Variants in KDM1B observed in about 807,000 individuals in gnomAD.
KDM1B encodes the protein lysine demethylase 1B.
In KDM1B, 63 loss-of-function variants were observed where a neutral mutation model predicts 107.4. The ratio of observed to expected loss-of-function variants is 0.59; its 90% CI spans 0.48 to 0.72. The LOEUF (loss-of-function observed/expected upper bound fraction) is 0.72, where lower values mean the gene tolerates loss of function less well. Ranked by LOEUF, KDM1B falls within the 30% of genes least tolerant of loss-of-function variation. The pLI, the probability that KDM1B is intolerant of heterozygous loss-of-function variation, is 0.00. For missense variants in KDM1B, 749 were observed against 1,020.8 expected (o/e 0.73, Z 3.63); for synonymous variants, 363 against 363.9 (o/e 1.00, Z 0.03).
Position 18,200,052 on chromosome 6 carries a change from C to T in KDM1B, c.1222-387C>T, listed in dbSNP as rs1376176160. On this transcript the variant is annotated intron_variant, in intron 12 of 21. Transcript: ENST00000650836. This position sits in a 1 kb window ranked among gnomAD's most constrained non-coding sequence, Gnocchi z 4.3. ...TGCCACCACACCCGACTATGTATTT[C>T]TGGTAGAGACAGGGTTTCACCATGT... 6.6e-6 allele frequency among the ~76,000 whole-genome samples: 1 copy of T among 152,090 alleles called. No individual in the cohort carries two copies.
intron 12 of KDM1B, among the ~76,000 whole-genome samples, chr6:18,198,654 A>AC (rs1233237913): frequency 1.1e-4 from 16 of 143,624 alleles, no homozygotes; most frequent in Non-Finnish European, 2.2e-4. Flanking sequence ...AAAAAAAAAA[A>AC]AAACAAAACG....
At chr6:18,182,220 C>G (rs757418131) in intron 7 of KDM1B, among the ~76,000 whole-genome samples, 39 of 152,080 alleles carry the variant, frequency 2.6e-4, no homozygotes, top group Non-Finnish European at 4.9e-4. Flanking sequence ...TGGATAATAT[C>G]AAATCTCTTC....
In KDM1B at chr6:18,159,851, T is replaced by C. The variant is rs761627923; in HGVS notation, c.-13-32T>C. 4 of 1,126,388 alleles carry C rather than the reference T, an allele frequency of 3.6e-6. No individual in the cohort carries two copies. The African/African-American group carries it at 6.1e-5, about 17-fold the overall frequency. The allele number at this position is 1,126,388 out of a possible 1,614,324, so 69.8% of individuals were successfully genotyped here. A position where few individuals can be genotyped will look rare whatever the true frequency, so the allele number is the denominator to read the frequency against. On this transcript the variant is annotated intron_variant, in intron 2 of 21. Coordinates refer to ENST00000650836, the MANE Select transcript of KDM1B (RefSeq NM_001364614.2). The surrounding 1 kb of genome is among the most constrained non-coding windows in gnomAD (Gnocchi z 4.5). ...GACTGTTAAAAATATTTGCAGATGC[T>C]AATATTTAATGGTCTGATTTTTCTT...
In KDM1B at chr6:18,161,318, C is replaced by T. The variant is rs1784957310; in HGVS notation, c.88-9C>T. The T allele has an allele frequency of 6.2e-7, 1 of 1,613,214 alleles. No homozygotes were observed. The highest frequency in any genetic ancestry group is 8.5e-7 in the Non-Finnish European group (1 of 1,179,598). On this transcript the variant is annotated splice_polypyrimidine_tract_variant and intron_variant, in intron 3 of 21. Coordinates refer to ENST00000650836, the MANE Select transcript of KDM1B (RefSeq NM_001364614.2). ...AGTGAAATTTTAACATCAGCTGTGA[C>T]TCCCTTAGGCGAAGAAGAAAGCAAC...
In KDM1B at chr6:18,200,325, TGG is replaced by T; in HGVS notation, c.1222-113_1222-112del. The T allele has an allele frequency of 9.4e-7, 1 of 1,068,724 alleles. No homozygotes were observed. The highest frequency in any genetic ancestry group is 1.3e-6 in the Non-Finnish European group (1 of 751,796). 66.2% of individuals were successfully genotyped at this position (1,068,724 alleles called of 1,614,324 possible). On this transcript the variant is annotated intron_variant, in intron 12 of 21. Coordinates refer to ENST00000650836, the MANE Select transcript of KDM1B (RefSeq NM_001364614.2). The surrounding 1 kb of genome is among the most constrained non-coding windows in gnomAD (Gnocchi z 4.3). ...TTAAAGTTGTTTTTTTAGAAATATT[TGG>T]AATTAACCAAATATAGAGGCTATTT...
rs143198431 is a variant in KDM1B at position 18,193,792 on chromosome 6, G to A, written c.969+2411G>A. 5.3e-4 allele frequency among the ~76,000 whole-genome samples: 81 copies of A among 152,136 alleles called. No homozygotes were observed. In the Middle Eastern group the frequency reaches 0.017, roughly 32 times the overall value. ...GCCTGTTCTTGCTTCCTGACACTGGGTGGAGGTGGTGGCATCATTACTCTT... is the reference window on the plus strand; with the variant it reads ...GCCTGTTCTTGCTTCCTGACACTGGATGGAGGTGGTGGCATCATTACTCTT... On this transcript the variant is annotated intron_variant, in intron 10 of 21. Coordinates refer to ENST00000650836, the MANE Select transcript of KDM1B (RefSeq NM_001364614.2).
At chr6:18,194,459 A>C (rs934563050) in intron 10 of KDM1B, among the ~76,000 whole-genome samples, 4 of 152,174 alleles carry the variant, frequency 2.6e-5, no homozygotes, top group Non-Finnish European at 5.9e-5. Flanking sequence ...CACCTGCTGC[A>C]GTCGTTCTTG....
intron 7 of KDM1B, among the ~76,000 whole-genome samples, chr6:18,173,689 A>G (rs1412472804): frequency 6.6e-6 from 1 of 152,164 alleles, no homozygotes; most frequent in East Asian, 1.9e-4. Flanking sequence ...AGGTAGGCCA[A>G]CATTCAATTT....
rs1287572422 is a variant in KDM1B, at chr6:18,205,745, G to A, written c.1659+81G>A. On this transcript the variant is annotated intron_variant, in intron 15 of 21. Coordinates refer to ENST00000650836, the MANE Select transcript of KDM1B (RefSeq NM_001364614.2). This position sits in a 1 kb window ranked among gnomAD's most constrained non-coding sequence, Gnocchi z 5.7. ...GCAGTGGCTCACGCCTGTAATCCCA[G>A]CACTTTGGGAGGCCGAGGTGGGCAG... The A allele has an allele frequency of 2.2e-5, 29 of 1,331,756 alleles. No homozygotes were observed. Among genetic ancestry groups the A allele is most frequent in the African/African-American group, 7.7e-5 (5 of 64,668 alleles). 82.5% of individuals were successfully genotyped at this position (1,331,756 alleles called of 1,614,324 possible).
At chr6:18,210,057 G>C (rs2151012523) in intron 17 of KDM1B, among the ~76,000 whole-genome samples, 1 of 152,242 alleles carries the variant, frequency 6.6e-6, no homozygotes, top group South Asian at 2.1e-4. Context: ...TTGTATTCCA[G>C]CCTTCTGGAG....
At chr6:18,210,342 C>CTTTTCTTTTTTTT (rs1788743217) in intron 17 of KDM1B, among the ~76,000 whole-genome samples, 1 of 69,990 alleles carries the variant, frequency 1.4e-5, no homozygotes, top group Admixed American at 1.5e-4. Context: ...TCTTTCTTTT[C>CTTTTCTTTTTTTT]TTTTTTTTTT....
At position 18,211,419 on chromosome 6, in the gene KDM1B, A is replaced by ATGCACT. The variant is rs1489274529; in HGVS notation, c.1867-1064_1867-1059dup. The ATGCACT allele has an allele frequency of 6.6e-6, 1 of 152,256 alleles. No homozygotes were observed. 9.4% of individuals were successfully genotyped at this position (152,256 alleles called of 1,614,324 possible). On this transcript the variant is annotated intron_variant, in intron 17 of 21. Transcript: ENST00000650836. This position sits in a 1 kb window ranked among gnomAD's most constrained non-coding sequence, Gnocchi z 5.2. ...ACATCCATCCAGCCCAGCCAATCTGATGCACTTGCATGAGATGTAGAAGGT... is the reference window on the plus strand; with the variant it reads ...ACATCCATCCAGCCCAGCCAATCTGATGCACTTGCACTTGCATGAGATGTAGAAGGT...
chr6:18,220,174 A>T (rs986558052), intron 21 of KDM1B, among the ~76,000 whole-genome samples: 2 of 152,178 alleles, frequency 1.3e-5, no homozygotes, highest in Non-Finnish European at 2.9e-5. Flanking sequence ...CCACTCTTTC[A>T]CCTGTGTTCC....
intron 6 of KDM1B, among the ~76,000 whole-genome samples, chr6:18,167,246 A>G (rs1435809128): frequency 6.6e-6 from 1 of 151,648 alleles, no homozygotes; most frequent in African/African-American, 2.4e-5. Context: ...TGTCCCAGCT[A>G]CTTGGGAGGC....
rs902539873 is a variant in KDM1B, at chr6:18,186,895, A to G, written c.574-897A>G. 2.6e-5 allele frequency among the ~76,000 whole-genome samples: 4 copies of G among 152,072 alleles called. No individual in the cohort carries two copies. The highest frequency in any genetic ancestry group is 5.9e-5 in the Non-Finnish European group (4 of 68,014). Reference sequence around the variant, plus strand: ...CTCCCTGCCATGACACATGGGGATTATAGGAACTACAATTCAAGATGAGAT... The same window carrying G: ...CTCCCTGCCATGACACATGGGGATTGTAGGAACTACAATTCAAGATGAGAT... On this transcript the variant is annotated intron_variant, in intron 8 of 21. Coordinates refer to ENST00000650836, the MANE Select transcript of KDM1B (RefSeq NM_001364614.2). The surrounding 1 kb of genome is among the most constrained non-coding windows in gnomAD (Gnocchi z 5.6).
At chr6:18,171,772 TC>T (rs1785680000) in intron 7 of KDM1B, among the ~76,000 whole-genome samples, 1 of 152,136 alleles carries the variant, frequency 6.6e-6, no homozygotes, top group African/African-American at 2.4e-5. Flanking sequence ...TCTAACTTCA[TC>T]CTGAAGGCCA....
chr6:18,199,120 T>G (rs1318901924), intron 12 of KDM1B, among the ~76,000 whole-genome samples: 1 of 147,668 alleles, frequency 6.8e-6, no homozygotes. Context: ...ATCTCTTGAG[T>G]GAAGGAGGCA....
chr6:18,185,010 A>G (rs1240155310), intron 7 of KDM1B, among the ~76,000 whole-genome samples: 1 of 151,948 alleles, frequency 6.6e-6, no homozygotes, highest in Non-Finnish European at 1.5e-5. Flanking sequence ...GATTATAGGC[A>G]TGAGCCACTG....
Position 18,213,990 on chromosome 6 carries a change from G to T in KDM1B, c.2109+209G>T, listed in dbSNP as rs1038919962. ...CATGTCTTCTTAAAGTCCTCATGTT[G>T]CTCCCTGGGACATGAATTGGATGCT... On this transcript the variant is annotated intron_variant, in intron 19 of 21. Transcript: ENST00000650836. This position sits in a 1 kb window ranked among gnomAD's most constrained non-coding sequence, Gnocchi z 5.9. 2.0e-5 allele frequency among the ~76,000 whole-genome samples: 3 copies of T among 152,142 alleles called. No individual in the cohort carries two copies. The highest frequency in any genetic ancestry group is 4.4e-5 in the Non-Finnish European group (3 of 68,018).
Sources: gnomAD v4.1 joint callset for allele counts (sites outside exome capture counted in the v4.1 genomes callset) on GRCh38, gnomAD v4.1.1 for gene constraint, Gnocchi (gnomAD v3.1) non-coding constraint, MANE v1.5 for transcripts, NCBI Gene and HGNC (gene_info 2026-07-23, HGNC 2026-07-21) for gene names.